The following PACRGL variants were observed in gnomAD, a reference collection of about 807,000 sequenced individuals.
PACRGL encodes parkin coregulated like, also known as PACRG-like protein.
PACRGL carries 38 observed loss-of-function variants against 34.5 expected under a neutral mutation model. That is an observed-to-expected ratio of 1.10 (90% confidence interval 0.85 to 1.44). PACRGL has a LOEUF of 1.44. Among genes scored for constraint, PACRGL ranks in the 40% most tolerant of loss-of-function variants. The pLI is 0.00. For synonymous variants in PACRGL, 128 were observed against 100.1 expected, an observed-to-expected ratio of 1.28 and a Z score of -1.66; for missense variants, 305 against 281.4, an observed-to-expected ratio of 1.08 and a Z score of -0.60.
chr4:20,743,940 A>C (rs1751796279), intron 8 of PACRGL, among the ~76,000 whole-genome samples: 1 of 152,182 alleles, frequency 6.6e-6, no homozygotes, highest in African/African-American at 2.4e-5. Flanking sequence ...AACCCTTCAA[A>C]AAGTGGGCAA....
chr4:20,744,159 TTGG>T (rs1414383954), intron 8 of PACRGL, among the ~76,000 whole-genome samples: 30 of 152,166 alleles, frequency 2.0e-4, no homozygotes, highest in Admixed American at 2.0e-3. Flanking sequence ...TTTTGCACTG[TTGG>T]TGGGACTGTA....
chr4:20,721,181 C>T (rs1489098855), intron 7 of PACRGL, among the ~76,000 whole-genome samples: 2 of 152,170 alleles, frequency 1.3e-5, no homozygotes, highest in Admixed American at 6.5e-5. Flanking sequence ...TCCATCAGGT[C>T]ATTTAAGGTC....
chr4:20,723,161 C>G (rs557493037), intron 7 of PACRGL, among the ~76,000 whole-genome samples: 52 of 152,154 alleles, frequency 3.4e-4, no homozygotes, highest in Non-Finnish European at 6.8e-4. Context: ...CAAGCCTTGA[C>G]ATATGAGGAG....
At position 20,728,790 on chromosome 4, in the gene PACRGL, G is replaced by C. The variant is rs147168210; in HGVS notation, c.*1449G>C. 6.6e-6 allele frequency: 1 copy of C among 152,670 alleles called. No individual in the cohort carries two copies. Among genetic ancestry groups the C allele is most frequent in the Admixed American group, 6.5e-5 (1 of 15,288 alleles). The allele number at this position is 152,670 out of a possible 1,614,324, so 9.5% of individuals were successfully genotyped here. A position where few individuals can be genotyped will look rare whatever the true frequency, so the allele number is the denominator to read the frequency against. On this transcript the variant is annotated 3_prime_UTR_variant, in exon 9 of 9. Coordinates refer to ENST00000503585, the MANE Select transcript of PACRGL (RefSeq NM_001258345.3). ...TATCTCTACACCAGAATAGATACCT[G>C]ATTTATTGTTGCAAAGACAGTTGCA...
Position 20,704,509 on chromosome 4 carries a change from A to G in PACRGL, c.28A>G (p.Thr10Ala), listed in dbSNP as rs765243668. MQKSEGSGGTQLKNRATGNY... is the reference protein window; with the variant it reads MQKSEGSGGAQLKNRATGNY... ...GCAGAAATCAGAGGGCTCTGGAGGT[A>G]CACAGTTGAAAAACAGAGCAACAGG... The change falls in exon 2 of 9, where the codon ACA becomes GCA. Residue 10 changes from threonine to alanine, a missense_variant. By Grantham distance (58) the Thr-to-Ala change is moderately conservative. Coordinates refer to ENST00000503585, the MANE Select transcript of PACRGL (RefSeq NM_001258345.3). 6.2e-7 allele frequency: 1 copy of G among 1,614,024 alleles called. No homozygotes were observed. Among genetic ancestry groups the G allele is most frequent in the Non-Finnish European group, 8.5e-7 (1 of 1,179,970 alleles).
downstream of PACRGL, among the ~76,000 whole-genome samples, chr4:20,757,119 C>G (rs985126947): frequency 1.3e-5 from 2 of 152,080 alleles, no homozygotes; most frequent in Non-Finnish European, 2.9e-5. Flanking sequence ...TAAAGAGTCA[C>G]CTGGTGTCCA....
downstream of PACRGL, among the ~76,000 whole-genome samples, chr4:20,737,505 G>A (rs1462096016): frequency 1.3e-5 from 2 of 151,574 alleles, no homozygotes; most frequent in African/African-American, 2.4e-5. Flanking sequence ...TAGATGGGCC[G>A]ATCTGAGAAG....
intron 8 of PACRGL, among the ~76,000 whole-genome samples, chr4:20,745,430 G>T (rs947331990): frequency 6.6e-6 from 1 of 152,088 alleles, no homozygotes; most frequent in Non-Finnish European, 1.5e-5. Context: ...ATCTTTTCGT[G>T]CAAAAGAAAA....
chr4:20,742,831 A>C (rs556590937), intron 8 of PACRGL, among the ~76,000 whole-genome samples: 3 of 152,304 alleles, frequency 2.0e-5, no homozygotes, highest in East Asian at 1.9e-4. Flanking sequence ...GTCTCAGCCC[A>C]AAATCTCCTT....
chr4:20,740,802 C>T (rs911438248), intron 8 of PACRGL, among the ~76,000 whole-genome samples: 3 of 152,134 alleles, frequency 2.0e-5, no homozygotes, highest in African/African-American at 4.8e-5. Flanking sequence ...CAAGATCCAT[C>T]AGTGTGCTGT....
rs1430993750 is a variant in PACRGL at position 20,730,545 on chromosome 4, C to T, written c.*3204C>T. On this transcript the variant is annotated 3_prime_UTR_variant, in exon 9 of 9. Coordinates refer to ENST00000503585, the MANE Select transcript of PACRGL (RefSeq NM_001258345.3). ...ACAAGGAAAATTTGTGTGTATGAGCCAGCAGTTCATGAAGATTGGAGGCTG... is the reference window on the plus strand; with the variant it reads ...ACAAGGAAAATTTGTGTGTATGAGCTAGCAGTTCATGAAGATTGGAGGCTG... Among the ~76,000 whole-genome samples, 2 of 151,852 alleles carry T rather than the reference C, an allele frequency of 1.3e-5. No homozygotes were observed. Among genetic ancestry groups the T allele is most frequent in the Admixed American group, 1.3e-4 (2 of 15,252 alleles).
the PACRGL span, among the ~76,000 whole-genome samples, chr4:20,764,957 C>A: frequency 6.6e-6 from 1 of 152,282 alleles, no homozygotes; most frequent in Non-Finnish European, 1.5e-5. Context: ...TTAACACTTT[C>A]ATCAACCCTG....
intron 7 of PACRGL, among the ~76,000 whole-genome samples, chr4:20,719,881 T>C (rs1742153222): frequency 6.6e-6 from 1 of 152,110 alleles, no homozygotes; most frequent in Non-Finnish European, 1.5e-5. Flanking sequence ...TTCCTGGGTA[T>C]CCTTGTTAAC....
At position 20,704,686 on chromosome 4, in the gene PACRGL, A is replaced by G; in HGVS notation, c.79A>G (p.Ser27Gly). ...TGNYDQRTSS[S>G]TQLKHRNAVQ... Reference sequence around the variant, plus strand: ...TAACTATGATCAAAGGACATCATCAAGCACACAGTTAAAACACAGGAATGC... The same window carrying G: ...TAACTATGATCAAAGGACATCATCAGGCACACAGTTAAAACACAGGAATGC... Residue 27 changes from serine (S) to glycine (G), a missense_variant, in exon 3 of 9, where the codon AGC (serine) becomes GGC (glycine). Ser to Gly is a moderately conservative substitution (Grantham distance 56). Transcript: ENST00000503585. The G allele has an allele frequency of 6.2e-7, 1 of 1,614,150 alleles. No individual in the cohort carries two copies. The highest frequency in any genetic ancestry group is 1.1e-5 in the South Asian group (1 of 91,076).
chr4:20,747,054 G>C (rs1578498711), intron 8 of PACRGL, among the ~76,000 whole-genome samples: 1 of 152,108 alleles, frequency 6.6e-6, no homozygotes, highest in Non-Finnish European at 1.5e-5. Context: ...TCATTTAAAA[G>C]GAAAGGCATT....
chr4:20,712,400 A>G lies in PACRGL; in HGVS notation c.367-388A>G, dbSNP rs542986628. ...AACTATTAAAAAAAAATACAATGCA[A>G]AAATAAAAAATACAAATAATACAAT... On this transcript the variant is annotated intron_variant, in intron 5 of 8. Coordinates refer to ENST00000503585, the MANE Select transcript of PACRGL (RefSeq NM_001258345.3). Among the ~76,000 whole-genome samples, 3 of 152,152 alleles carry G rather than the reference A, an allele frequency of 2.0e-5. No individual in the cohort carries two copies. In the South Asian group the frequency reaches 6.2e-4, roughly 32 times the overall value.
chr4:20,720,399 T>A (rs1742447084), intron 7 of PACRGL, among the ~76,000 whole-genome samples: 1 of 152,218 alleles, frequency 6.6e-6, no homozygotes, highest in South Asian at 2.1e-4. Context: ...TTTTGCTCAT[T>A]AGTTGATGCA....
rs1378913032 is a variant in PACRGL at position 20,728,995 on chromosome 4, C to CTAAATCTTGG, written c.*1657_*1666dup. The CTAAATCTTGG allele has an allele frequency of 6.6e-6, 1 of 152,224 alleles. No individual in the cohort carries two copies. The highest frequency in any genetic ancestry group is 1.5e-5 in the Non-Finnish European group (1 of 68,026). The allele number at this position is 152,224 out of a possible 1,614,324, so 9.4% of individuals were successfully genotyped here. Reference sequence around the variant, plus strand: ...TTAGTTGTTGAGCACTTATTTTCTACTAAATCTTGGTAGTAGTTGTCAATG... The same window carrying CTAAATCTTGG: ...TTAGTTGTTGAGCACTTATTTTCTACTAAATCTTGGTAAATCTTGGTAGTAGTTGTCAATG... On this transcript the variant is annotated 3_prime_UTR_variant, in exon 9 of 9. Transcript: ENST00000503585.
At chr4:20,719,942 C>T (rs574223305) in intron 7 of PACRGL, among the ~76,000 whole-genome samples, 2 of 151,976 alleles carry the variant, frequency 1.3e-5, no homozygotes, top group South Asian at 2.1e-4. Flanking sequence ...TTAAAGTCTC[C>T]CATTATTATT....
Sources: gnomAD v4.1 joint callset for allele counts (sites outside exome capture counted in the v4.1 genomes callset) on GRCh38, gnomAD v4.1.1 for gene constraint, MANE v1.5 for transcripts, NCBI Gene and HGNC (gene_info 2026-07-23, HGNC 2026-07-21) for gene names.